Variants in ZNF800 observed in about 807,000 individuals in gnomAD.
ZNF800 encodes the protein zinc finger protein 800.
ZNF800 carries 13 observed loss-of-function variants against 59.5 expected under a neutral mutation model. The ratio of observed to expected loss-of-function variants is 0.22; its 90% CI spans 0.14 to 0.35. The LOEUF is 0.35. Ranked by LOEUF, ZNF800 falls within the 10% of genes least tolerant of loss-of-function variation. The pLI, the probability that ZNF800 is intolerant of heterozygous loss-of-function variation, is 1.00. For missense variants in ZNF800, 621 were observed against 783.7 expected (o/e 0.79, Z 2.48); for synonymous variants, 266 against 265.7 (o/e 1.00, Z -0.01).
intron 1 of ZNF800, among the ~76,000 whole-genome samples, chr7:127,359,036 C>G (rs1800340809): frequency 6.6e-6 from 1 of 152,114 alleles, no homozygotes; most frequent in African/African-American, 2.4e-5. Flanking sequence ...TTGAAATCTT[C>G]AACCTTTAAA....
chr7:127,382,092 G>C lies in ZNF800; in HGVS notation c.157+3968C>G, dbSNP rs544014645. Among the ~76,000 whole-genome samples the C allele has an allele frequency of 2.0e-5, 3 of 152,170 alleles. No individual in the cohort carries two copies. In the East Asian group the frequency reaches 5.8e-4, roughly 29 times the overall value. On this transcript the variant is annotated intron_variant, in intron 3 of 5. Transcript: ENST00000265827. ...AGAGTTCCCTGCATGTACTGCTCTA[G>C]CATATTCTACATGTAGAATCTTTTT...
chr7:127,379,975 T>C (rs1208767647), intron 3 of ZNF800, among the ~76,000 whole-genome samples: 2 of 151,334 alleles, frequency 1.3e-5, no homozygotes, highest in African/African-American at 2.4e-5. Flanking sequence ...AATGTATTCT[T>C]TCCCTCACTT....
At position 127,357,127 on chromosome 7, in the gene ZNF800, G is replaced by A. The variant is rs141454347; in HGVS notation, n.225-9084C>T. ...TAAGTACCCACTGGCCTGGAGGTAC[G>A]TGGTGGTAAATAGGCTGCTTCATTT... On this transcript the variant is annotated intron_variant and non_coding_transcript_variant, in intron 1 of 1. Transcript: ENST00000485577. 3.4e-3 allele frequency among the ~76,000 whole-genome samples: 514 copies of A among 152,122 alleles called. 3 individuals are homozygous for A. The highest frequency in any genetic ancestry group is 0.012 in the African/African-American group (486 of 41,548).
In ZNF800 at chr7:127,354,139, T is replaced by C. The variant is rs547207172; in HGVS notation, n.225-6096A>G. Among the ~76,000 whole-genome samples the C allele has an allele frequency of 2.0e-5, 3 of 152,272 alleles. No individual in the cohort carries two copies. In the South Asian group the frequency reaches 6.2e-4, roughly 32 times the overall value. On this transcript the variant is annotated intron_variant and non_coding_transcript_variant, in intron 1 of 1. Coordinates refer to the ZNF800 transcript ENST00000485577. ...GTAAATGATTTCCCTGAAAACTTCA[T>C]CTGCCAATTCTTTCTCAAATGGAAA...
At chr7:127,390,641 T>A (rs934498070) in intron 2 of ZNF800, among the ~76,000 whole-genome samples, 2 of 152,194 alleles carry the variant, frequency 1.3e-5, no homozygotes, top group Admixed American at 6.5e-5. Context: ...ATCTAATAAC[T>A]TTTAGGTCAA....
At chr7:127,379,844 A>ACCCCCCCCCCCCCCCCCCCC (rs1562907457) in intron 3 of ZNF800, among the ~76,000 whole-genome samples, 1 of 13,934 alleles carries the variant, frequency 7.2e-5, no homozygotes, top group Non-Finnish European at 1.4e-4. Context: ...CCACCCCCCC[A>ACCCCCCCCCCCCCCCCCCCC]CCCCCCCACC....
intron 3 of ZNF800, among the ~76,000 whole-genome samples, chr7:127,385,208 T>G (rs1419413): frequency 0.93 from 142,049 of 152,124 alleles, 66,385 homozygotes; most frequent in East Asian, 1. Context: ...TTTCATTCAG[T>G]TAGTTAAGAT....
intron 1 of ZNF800, among the ~76,000 whole-genome samples, chr7:127,391,848 C>T (rs1322062907): frequency 6.6e-6 from 1 of 151,926 alleles, no homozygotes; most frequent in Non-Finnish European, 1.5e-5. Flanking sequence ...AGGGCGAAGG[C>T]CTGGCCGGCA....
chr7:127,350,332 T>C (rs966463032), intron 1 of ZNF800: 1 of 152,194 alleles, frequency 6.6e-6, no homozygotes, highest in Non-Finnish European at 1.5e-5. Context: ...GAAAGAAAAA[T>C]GACTGTTTCC....
At chr7:127,372,503 T>G (rs1292972660) in intron 5 of ZNF800, 5 of 651,108 alleles carry the variant, frequency 7.7e-6, no homozygotes, top group Non-Finnish European at 9.5e-6. Flanking sequence ...AAAAAAGTAG[T>G]ATTTTTCTTT....
At chr7:127,378,732 G>A (rs62468917) in intron 3 of ZNF800, among the ~76,000 whole-genome samples, 1 of 42,192 alleles carries the variant, frequency 2.4e-5, no homozygotes, top group East Asian at 8.6e-4. Flanking sequence ...CACACACACA[G>A]AGAGAGAGAG....
At chr7:127,345,162 C>T (rs1800034834), downstream of ZNF800, among the ~76,000 whole-genome samples, 3 of 152,150 alleles carry the variant, frequency 2.0e-5, no homozygotes, top group Non-Finnish European at 4.4e-5. Flanking sequence ...TATGTTCATT[C>T]ATTCCTTCAA....
rs956636309 is a variant in ZNF800, at chr7:127,370,921, G to T, written c.*893C>A. 1.3e-5 allele frequency: 2 copies of T among 152,392 alleles called. No individual in the cohort carries two copies. Among genetic ancestry groups the T allele is most frequent in the African/African-American group, 4.8e-5 (2 of 41,388 alleles). 9.4% of individuals were successfully genotyped at this position (152,392 alleles called of 1,614,324 possible). A position where few individuals can be genotyped will look rare whatever the true frequency, so the allele number is the denominator to read the frequency against. On this transcript the variant is annotated 3_prime_UTR_variant, in exon 6 of 6. Transcript: ENST00000265827. ...CTTACACCCGCATCTTCCTTTTGTA[G>T]CAATATTTAAGGAAATAAACTAGTA...
intron 2 of ZNF800, among the ~76,000 whole-genome samples, chr7:127,387,834 C>T (rs1297893419): frequency 6.6e-6 from 1 of 151,812 alleles, no homozygotes; most frequent in Non-Finnish European, 1.5e-5. Context: ...GCACTCCAGC[C>T]TGGGCAACAC....
chr7:127,369,204 A>G (rs1299670953), downstream of ZNF800, among the ~76,000 whole-genome samples: 1 of 152,168 alleles, frequency 6.6e-6, no homozygotes, highest in African/African-American at 2.4e-5. Flanking sequence ...AATGGAAGGC[A>G]TCTTTAGGAA....
chr7:127,367,715 C>T (rs11563634), downstream of ZNF800, among the ~76,000 whole-genome samples: 1 of 152,108 alleles, frequency 6.6e-6, no homozygotes, highest in African/African-American at 2.4e-5. Flanking sequence ...ACATGGTGTA[C>T]AATTTAGAGA....
chr7:127,376,837 G>T (rs1382302412), intron 4 of ZNF800, among the ~76,000 whole-genome samples: 1 of 151,768 alleles, frequency 6.6e-6, no homozygotes, highest in African/African-American at 2.4e-5. Context: ...AAAGAATAAA[G>T]AAGTAAAAAG....
rs1238138266 is a variant in ZNF800 at position 127,376,297 on chromosome 7, T to G, written c.301+889A>C. On this transcript the variant is annotated intron_variant, in intron 4 of 5. Transcript: ENST00000265827. ...ATCCCAAAAAGGTTAAGTTGAAAAA[T>G]GCACAGAATCCACAATGCATCTACG... Among the ~76,000 whole-genome samples, 3 of 151,892 alleles carry G rather than the reference T, an allele frequency of 2.0e-5. No individual in the cohort carries two copies. The East Asian group carries it at 5.8e-4, about 29-fold the overall frequency.
At position 127,373,643 on chromosome 7, in the gene ZNF800, T is replaced by C. The variant is rs1040458600; in HGVS notation, c.1693A>G (p.Ile565Val). Residue 565 changes from isoleucine to valine, a missense_variant, in exon 5 of 6, where the codon ATT becomes GTT. Ile to Val is a conservative substitution (Grantham distance 29). This residue lies in a region of ZNF800 where 46 missense variants were observed against 118.4 expected (regional missense o/e 0.39). Transcript: ENST00000265827. ...GCCACTTTATTTAGAACAAAATCAA[T>C]AGGCTTTTTTATAGCTCTGATCTCT... is the stretch of plus-strand genomic sequence containing the variant. Reference protein sequence around the residue: ...SLEIRAIKKPIDFVLNKVAKR... With the variant: ...SLEIRAIKKPVDFVLNKVAKR... The C allele has an allele frequency of 3.1e-6, 5 of 1,614,102 alleles. No homozygotes were observed. Among genetic ancestry groups the C allele is most frequent in the South Asian group, 1.1e-5 (1 of 91,086 alleles).
Sources: gnomAD v4.1 joint callset for allele counts (sites outside exome capture counted in the v4.1 genomes callset) on GRCh38, gnomAD v4.1.1 for gene constraint, gnomAD v4.1.1 regional missense constraint, MANE v1.5 for transcripts, NCBI Gene and HGNC (gene_info 2026-07-23, HGNC 2026-07-21) for gene names.